The following VPS13A variants were observed in gnomAD, a reference collection of about 807,000 sequenced individuals.
VPS13A encodes intermembrane lipid transfer protein VPS13A.
VPS13A carries 264 observed loss-of-function variants against 390.9 expected under a neutral mutation model. The observed-to-expected ratio is 0.68, with a 90% CI of 0.61 to 0.75. The LOEUF (loss-of-function observed/expected upper bound fraction) is 0.75, where lower values mean the gene tolerates loss of function less well. VPS13A is among the 30% of genes least tolerant of loss of function. The pLI is 0.00. For missense variants in VPS13A, 3,409 were observed against 3,733.9 expected (o/e 0.91, Z 2.27); for synonymous variants, 1,231 against 1,227.1 (o/e 1.00, Z -0.07).
intron 19 of VPS13A, among the ~76,000 whole-genome samples, chr9:77,241,830 A>G (rs1453155045): frequency 6.6e-6 from 1 of 152,266 alleles, no homozygotes; most frequent in East Asian, 1.9e-4. Context: ...TATCATACTT[A>G]TCATTCACAG....
At chr9:77,407,979 A>AGCTACCGT (rs1192251934) in intron 71 of VPS13A, among the ~76,000 whole-genome samples, 1 of 152,184 alleles carries the variant, frequency 6.6e-6, no homozygotes, top group African/African-American at 2.4e-5. Context: ...TCTACTGCAT[A>AGCTACCGT]GCTACCGTGA....
chr9:77,406,578 G>A (rs1040514944), intron 70 of VPS13A, among the ~76,000 whole-genome samples: 3 of 151,870 alleles, frequency 2.0e-5, no homozygotes, highest in Non-Finnish European at 2.9e-5. Flanking sequence ...CCACCATGCC[G>A]ACTAATTTTT....
At chr9:77,383,129 A>T in intron 68 of VPS13A, 1 of 800,862 alleles carries the variant, frequency 1.2e-6, no homozygotes, top group Non-Finnish European at 1.5e-6. Context: ...GATCAGAGTA[A>T]AGATTTAAAC....
intron 68 of VPS13A, chr9:77,382,656 A>C (rs1757359219): frequency 1.0e-6 from 1 of 1,001,404 alleles, no homozygotes; most frequent in African/African-American, 1.7e-5. Context: ...ACTCAGGAAC[A>C]CTGCTATTGT....
intron 31 of VPS13A, among the ~76,000 whole-genome samples, chr9:77,291,688 AG>A (rs1475261237): frequency 6.6e-6 from 1 of 152,106 alleles, no homozygotes; most frequent in Non-Finnish European, 1.5e-5. Flanking sequence ...TAGATGTTAG[AG>A]GCTCCTGCTG....
chr9:77,213,185 A>G, intron 8 of VPS13A, 49 bp from the exon 9 acceptor site: 1 of 1,583,760 alleles, frequency 6.3e-7, no homozygotes, highest in South Asian at 1.1e-5. Context: ...ATAGTGTATG[A>G]TAAAAATTCT....
At chr9:77,378,540 G>A (rs1218119534) in intron 67 of VPS13A, among the ~76,000 whole-genome samples, 1 of 151,690 alleles carries the variant, frequency 6.6e-6, no homozygotes, top group African/African-American at 2.4e-5. Context: ...CATAAGATTG[G>A]TAGTAGTGTT....
intron 33 of VPS13A, among the ~76,000 whole-genome samples, chr9:77,300,476 A>G (rs1828277703): frequency 6.6e-6 from 1 of 152,232 alleles, no homozygotes; most frequent in African/African-American, 2.4e-5. Flanking sequence ...TTACGCCTGT[A>G]AACCCAGCAC....
chr9:77,314,164 T>A, intron 36 of VPS13A, 45 bp downstream of exon 36: 1 of 1,603,908 alleles, frequency 6.2e-7, no homozygotes, highest in Non-Finnish European at 8.5e-7. Context: ...ATGTGAAATT[T>A]GCATAGGTTG....
chr9:77,308,794 T>TGG (rs1828909174), intron 35 of VPS13A, among the ~76,000 whole-genome samples: 1 of 152,144 alleles, frequency 6.6e-6, no homozygotes, highest in South Asian at 2.1e-4. Context: ...TACCTCAAAA[T>TGG]GAAACCTACT....
At chr9:77,343,523 C>A (rs1027525338) in intron 50 of VPS13A, among the ~76,000 whole-genome samples, 1 of 152,144 alleles carries the variant, frequency 6.6e-6, no homozygotes, top group Non-Finnish European at 1.5e-5. Context: ...CATTCTTTTT[C>A]TTTTAGCTCT....
At chr9:77,214,268 T>G in intron 9 of VPS13A, 61 bp from the exon 10 acceptor site, 1 of 1,449,740 alleles carries the variant, frequency 6.9e-7, no homozygotes, top group South Asian at 1.1e-5. Context: ...AGGGGGAGAC[T>G]CCATCTCAAA....
chr9:77,182,811 A>G (rs1437488036), intron 1 of VPS13A, among the ~76,000 whole-genome samples: 2 of 152,146 alleles, frequency 1.3e-5, no homozygotes, highest in East Asian at 1.9e-4. Context: ...TTTCTTGTCT[A>G]TTAACTAACA....
chr9:77,280,423 C>T (rs2131343056), intron 27 of VPS13A, among the ~76,000 whole-genome samples, 185 bp downstream of exon 27: 1 of 151,988 alleles, frequency 6.6e-6, no homozygotes, highest in Non-Finnish European at 1.5e-5. Context: ...ATAAATACTT[C>T]ATATAGCAAA....
Position 77,315,892 on chromosome 9 carries a change from T to C in VPS13A, c.4631-282T>C, listed in dbSNP as rs554680464. ...GTTTCTCTATTATCTTTTTATAATA[T>C]GTGATTTACTGTGGTATAGTAGAAA... On this transcript the variant is annotated intron_variant, in intron 38 of 71. Transcript: ENST00000360280. 2.0e-4 allele frequency among the ~76,000 whole-genome samples: 31 copies of C among 152,112 alleles called. No homozygotes were observed. In the Middle Eastern group the frequency reaches 0.014, roughly 67 times the overall value.
intron 23 of VPS13A, among the ~76,000 whole-genome samples, chr9:77,264,264 TC>T (rs1251069425): frequency 1.3e-5 from 2 of 152,148 alleles, no homozygotes; most frequent in Non-Finnish European, 2.9e-5. Context: ...CTTAGGATTG[TC>T]TTGGCTATAC....
chr9:77,413,011 C>T lies in VPS13A; in HGVS notation c.9475-2945C>T, dbSNP rs1179518314. On this transcript the variant is annotated intron_variant, in intron 71 of 71. Transcript: ENST00000360280. ...CCATTCACAATTGCTTCAAAGAGAA[C>T]AAAATACATAGGAATCCAACTTACA... 6.6e-5 allele frequency among the ~76,000 whole-genome samples: 10 copies of T among 152,052 alleles called. No individual in the cohort carries two copies. The South Asian group carries it at 8.3e-4, about 13-fold the overall frequency.
chr9:77,345,191 A>G (rs772190036), intron 52 of VPS13A, 49 bp downstream of exon 52: 6 of 1,587,042 alleles, frequency 3.8e-6, no homozygotes, highest in East Asian at 4.5e-5. Context: ...AGTCTAGATG[A>G]TGAGGCACAG....
chr9:77,351,203 A>G, intron 52 of VPS13A, 114 bp from the exon 53 acceptor site: 1 of 1,397,214 alleles, frequency 7.2e-7, no homozygotes, highest in South Asian at 1.2e-5. Flanking sequence ...TGTTTTAATC[A>G]GAACGATCAC....
Sources: allele counts gnomAD v4.1 joint callset (sites outside exome capture counted in the v4.1 genomes callset), GRCh38; gene constraint gnomAD v4.1.1; transcripts MANE v1.5; gene names NCBI Gene and HGNC (gene_info 2026-07-23, HGNC 2026-07-21).